The following SYNPO2 variants were observed in gnomAD, a reference collection of about 807,000 sequenced individuals.
SYNPO2 encodes the protein synaptopodin 2, also known as synaptopodin-2.
A neutral mutation model predicts 85.0 loss-of-function variants in SYNPO2; 56 were observed. The ratio of observed to expected loss-of-function variants is 0.66; its 90% CI spans 0.53 to 0.82. The LOEUF (loss-of-function observed/expected upper bound fraction) is 0.82. Among genes scored for constraint, SYNPO2 ranks in the 40% least tolerant of loss-of-function variants. SYNPO2 has a pLI of 0.00. For missense variants in SYNPO2, 1,575 were observed against 1,534.2 expected (o/e 1.03, Z -0.44); for synonymous variants, 602 against 591.1 (o/e 1.02, Z -0.27).
chr4:119,048,796 A>C (rs2149199559), intron 4 of SYNPO2, among the ~76,000 whole-genome samples: 1 of 152,300 alleles, frequency 6.6e-6, no homozygotes, highest in African/African-American at 2.4e-5. Flanking sequence ...AAGAAGATGA[A>C]GTCAGATAAT....
chr4:118,956,255 G>A (rs1734871777), intron 1 of SYNPO2, among the ~76,000 whole-genome samples: 2 of 152,272 alleles, frequency 1.3e-5, no homozygotes, highest in African/African-American at 4.8e-5. Flanking sequence ...GTGAAGAGTA[G>A]AAAGAAAAGT....
intron 1 of SYNPO2, among the ~76,000 whole-genome samples, chr4:118,852,458 T>C (rs7375858): frequency 0.33 from 50,709 of 152,012 alleles, 9,859 homozygotes; most frequent in East Asian, 0.55. Flanking sequence ...AGCAAAGACA[T>C]AGAATCAACC....
chr4:118,877,755 T>A (rs532703924), intron 1 of SYNPO2, among the ~76,000 whole-genome samples: 5 of 152,268 alleles, frequency 3.3e-5, no homozygotes, highest in African/African-American at 4.8e-5. Flanking sequence ...ACACTGCTGG[T>A]GGGAGTGTAA....
chr4:119,022,764 A>G (rs374053584), intron 1 of SYNPO2, among the ~76,000 whole-genome samples: 3 of 62,676 alleles, frequency 4.8e-5, no homozygotes, highest in Non-Finnish European at 1.2e-4. Context: ...TTTATTTTAT[A>G]TTTTATTTTA....
intron 1 of SYNPO2, among the ~76,000 whole-genome samples, chr4:118,864,759 G>C (rs1731672630): frequency 6.6e-6 from 1 of 152,038 alleles, no homozygotes; most frequent in African/African-American, 2.4e-5. Context: ...TATAAATATA[G>C]CTAATCCTGC....
At chr4:118,958,267 C>T (rs936158204) in intron 1 of SYNPO2, among the ~76,000 whole-genome samples, 7 of 151,888 alleles carry the variant, frequency 4.6e-5, no homozygotes, top group Non-Finnish European at 5.9e-5. Flanking sequence ...GCCTGCGGTG[C>T]GTGTATGTTG....
intron 1 of SYNPO2, among the ~76,000 whole-genome samples, chr4:119,012,375 CTTT>C (rs10651853): frequency 6.3e-4 from 69 of 109,768 alleles, no homozygotes; most frequent in Middle Eastern, 5.1e-3. Flanking sequence ...TCCCCCTTTT[CTTT>C]TTTTTTTTTT....
upstream of SYNPO2, among the ~76,000 whole-genome samples, chr4:118,885,122 A>G (rs1445464514): frequency 6.6e-6 from 1 of 152,240 alleles, no homozygotes; most frequent in East Asian, 1.9e-4. Flanking sequence ...TGAGAAAAGA[A>G]CAGTACTTCT....
intron 1 of SYNPO2, among the ~76,000 whole-genome samples, chr4:119,001,306 C>T (rs534527042): frequency 9.9e-5 from 15 of 152,240 alleles, no homozygotes; most frequent in African/African-American, 3.1e-4. Context: ...GCCTTGTACA[C>T]GAGACACAGA....
intron 1 of SYNPO2, among the ~76,000 whole-genome samples, chr4:118,876,606 C>A (rs1357012444): frequency 6.6e-6 from 1 of 151,620 alleles, no homozygotes; most frequent in Non-Finnish European, 1.5e-5. Context: ...CCTTCCCTCC[C>A]TCCCTCCTCC....
At chr4:119,013,052 G>A (rs1218412697) in intron 1 of SYNPO2, among the ~76,000 whole-genome samples, 1 of 152,152 alleles carries the variant, frequency 6.6e-6, no homozygotes, top group Non-Finnish European at 1.5e-5. Flanking sequence ...TGGTCTCTGA[G>A]ATACTTTCAG....
At chr4:118,951,505 G>T (rs765197056) in intron 1 of SYNPO2, among the ~76,000 whole-genome samples, 1 of 152,184 alleles carries the variant, frequency 6.6e-6, no homozygotes, top group Non-Finnish European at 1.5e-5. Flanking sequence ...TATAGCACCA[G>T]ACAATGCCAG....
Position 119,057,857 on chromosome 4 carries a change from A to G in SYNPO2, c.3709A>G (p.Thr1237Ala), listed in dbSNP as rs1363055506. 7 of 1,613,996 alleles carry G rather than the reference A, an allele frequency of 4.3e-6. No individual in the cohort carries two copies. Among genetic ancestry groups the G allele is most frequent in the Non-Finnish European group, 5.9e-6 (7 of 1,180,022 alleles). Residue 1237 changes from threonine (T) to alanine (A), a missense_variant, in exon 5 of 5, where the codon ACC (threonine) becomes GCC (alanine). By Grantham distance (58) the Thr-to-Ala change is moderately conservative. Around this residue, in one of 3 missense-constraint regions of SYNPO2, gnomAD observed 1,508 missense variants for 1,446.8 expected, o/e 1.04. Transcript: ENST00000307142. Reference protein sequence around the residue: ...RNDSAIMSMETRSDYCLPVAD... With the variant: ...RNDSAIMSMEARSDYCLPVAD... ...TGATTCTGCAATCATGTCCATGGAAACCAGGTCTGATTACTGTCTTCCAGT... is the reference window on the plus strand; with the variant it reads ...TGATTCTGCAATCATGTCCATGGAAGCCAGGTCTGATTACTGTCTTCCAGT...
At chr4:118,878,424 T>C (rs1353132991) in intron 1 of SYNPO2, among the ~76,000 whole-genome samples, 1 of 152,206 alleles carries the variant, frequency 6.6e-6, no homozygotes, top group Non-Finnish European at 1.5e-5. Flanking sequence ...ATCAATTTAC[T>C]TCAACCCTAG....
chr4:118,902,828 A>C (rs540994775), intron 1 of SYNPO2, among the ~76,000 whole-genome samples: 1 of 152,348 alleles, frequency 6.6e-6, no homozygotes, highest in South Asian at 2.1e-4. Context: ...CTTAGAAAAC[A>C]TTCAAGAGTT....
chr4:118,933,829 G>GTTTTTTTTTTTTTTTTTTTTTT (rs71595334), intron 1 of SYNPO2, among the ~76,000 whole-genome samples: 1 of 102,318 alleles, frequency 9.8e-6, no homozygotes, highest in Non-Finnish European at 1.9e-5. Context: ...TGTTGTTGTT[G>GTTTTTTTTTTTTTTTTTTTTTT]TTTTTTTTTT....
At chr4:118,994,245 C>T (rs1452081799) in intron 1 of SYNPO2, among the ~76,000 whole-genome samples, 4 of 152,236 alleles carry the variant, frequency 2.6e-5, no homozygotes, top group Admixed American at 2.0e-4. Flanking sequence ...CTGCCATCAG[C>T]GACAGCTGGA....
chr4:118,950,377 A>G (rs1309201132), intron 1 of SYNPO2, among the ~76,000 whole-genome samples: 2 of 152,230 alleles, frequency 1.3e-5, no homozygotes, highest in Non-Finnish European at 2.9e-5. Context: ...GCCACACAGG[A>G]CAGCCCAGGG....
intron 3 of SYNPO2, among the ~76,000 whole-genome samples, chr4:119,027,767 G>A (rs145890524): frequency 1.6e-4 from 25 of 152,270 alleles, no homozygotes; most frequent in Middle Eastern, 3.4e-3. Context: ...TGTTAAAATA[G>A]CATAAGAAAG....
Sources: gnomAD v4.1 joint callset for allele counts (sites outside exome capture counted in the v4.1 genomes callset) on GRCh38, gnomAD v4.1.1 for gene constraint, gnomAD v4.1.1 regional missense constraint, MANE v1.5 for transcripts, NCBI Gene and HGNC (gene_info 2026-07-23, HGNC 2026-07-21) for gene names.